Variants in PRDM1 observed in about 807,000 individuals in gnomAD.
PRDM1 encodes PR domain zinc finger protein 1.
In PRDM1, 13 loss-of-function variants were observed where a neutral mutation model predicts 62.8. The observed-to-expected ratio is 0.21, with a 90% confidence interval of 0.13 to 0.33. The LOEUF (loss-of-function observed/expected upper bound fraction) is 0.33. PRDM1 is among the 10% of genes least tolerant of loss of function. PRDM1 has a pLI of 1.00. For synonymous variants in PRDM1, 396 were observed against 417.6 expected (o/e 0.95, Z 0.63); for missense variants, 895 against 1,058.8 (o/e 0.85, Z 2.15).
At chr6:106,067,848 A>G (rs1413834704) in intron 1 of PRDM1, among the ~76,000 whole-genome samples, 1 of 152,200 alleles carries the variant, frequency 6.6e-6, no homozygotes, top group African/African-American at 2.4e-5. Flanking sequence ...CGTATGCTCT[A>G]AAATGATTAA....
chr6:106,088,458 C>G lies in PRDM1; in HGVS notation c.291+9C>G, dbSNP rs183553725. 1.1e-3 allele frequency: 1,828 copies of G among 1,614,096 alleles called. 22 individuals are homozygous for G. Among genetic ancestry groups the G allele is most frequent in the Middle Eastern group, 1.6e-4 (1 of 6,062 alleles). On this transcript the variant is annotated intron_variant, in intron 2 of 6. Transcript: ENST00000369096. The stretch of plus-strand genomic sequence containing the variant: ...CCACCAACAGTGAAGAGGTAAGCCT[C>G]TGGTTTATTGACAAGAAGATTGGGG...
At position 106,098,397 on chromosome 6, in the gene PRDM1, G is replaced by GT. The variant is rs1445865194; in HGVS notation, c.412-901dup. 18 of 985,306 alleles carry GT rather than the reference G, an allele frequency of 1.8e-5. No homozygotes were observed. The East Asian group carries it at 1.8e-3, about 99-fold the overall frequency. 61.0% of individuals were successfully genotyped at this position (985,306 alleles called of 1,614,324 possible). The stretch of plus-strand genomic sequence containing the variant: ...TTTGCCAAGTAGCCTGAGTGCATCT[G>GT]TTATCCAGAAGTAGTATTACTCTAG... On this transcript the variant is annotated intron_variant, in intron 3 of 6. Coordinates refer to ENST00000369096, the MANE Select transcript of PRDM1 (RefSeq NM_001198.4).
intron 1 of PRDM1, among the ~76,000 whole-genome samples, chr6:106,030,850 G>A (rs1003592900): frequency 2.2e-4 from 34 of 152,078 alleles, no homozygotes; most frequent in African/African-American, 8.2e-4. Flanking sequence ...ATATGTGCGG[G>A]TCTATTTCTG....
chr6:106,094,519 C>G (rs1040487319), intron 2 of PRDM1, among the ~76,000 whole-genome samples: 5 of 152,162 alleles, frequency 3.3e-5, no homozygotes, highest in African/African-American at 1.2e-4. Context: ...AGCAAGGCCC[C>G]ACAAAGTTAA....
intron 4 of PRDM1, 142 bp downstream of exon 4, chr6:106,099,694 G>C: frequency 8.6e-7 from 1 of 1,157,900 alleles, no homozygotes; most frequent in East Asian, 2.6e-5. Flanking sequence ...CTAGGAAGAG[G>C]AAAAACATTT....
At chr6:106,056,330 C>T (rs1030533245) in intron 1 of PRDM1, among the ~76,000 whole-genome samples, 3 of 152,170 alleles carry the variant, frequency 2.0e-5, no homozygotes, top group Admixed American at 6.6e-5. Context: ...CTGGCCTTCT[C>T]ATCCCTCACC....
At chr6:105,998,421 C>T (rs897356352) in intron 1 of PRDM1, among the ~76,000 whole-genome samples, 6 of 152,100 alleles carry the variant, frequency 3.9e-5, no homozygotes, top group Admixed American at 3.3e-4. Context: ...ATAAGACATA[C>T]TTGAAAAAAC....
intron 1 of PRDM1, among the ~76,000 whole-genome samples, chr6:106,030,370 A>G (rs1013170876): frequency 6.6e-6 from 1 of 151,426 alleles, no homozygotes; most frequent in Non-Finnish European, 1.5e-5. Flanking sequence ...TCTCACACTC[A>G]TTATATTGCC....
At chr6:106,017,710 AG>A (rs1216796130) in intron 1 of PRDM1, among the ~76,000 whole-genome samples, 3 of 152,138 alleles carry the variant, frequency 2.0e-5, no homozygotes, top group South Asian at 4.1e-4. Context: ...CCAGCTGCCC[AG>A]TTTTTTTCTT....
Position 106,107,274 on chromosome 6 carries a change from G to C in PRDM1, c.2266G>C (p.Glu756Gln). The C allele has an allele frequency of 6.2e-7, 1 of 1,614,210 alleles. No individual in the cohort carries two copies. The highest frequency in any genetic ancestry group is 8.5e-7 in the Non-Finnish European group (1 of 1,180,036). ...EDDISVISVV[E>Q]KEILAVVRKE... is the part of the protein sequence containing the mutation. ...TGACATCAGTGTGATCTCTGTAGTG[G>C]AGAAGGAAATTCTGGCCGTGGTCAG... Residue 756 changes from glutamate to glutamine, a missense_variant, in exon 7 of 7, where the codon GAG becomes CAG. Physicochemically the swap from Glu to Gln is conservative, Grantham distance 29. Coordinates refer to ENST00000369096, the MANE Select transcript of PRDM1 (RefSeq NM_001198.4).
At chr6:106,098,936 A>G in intron 3 of PRDM1, 2 of 1,523,762 alleles carry the variant, frequency 1.3e-6, no homozygotes, top group African/African-American at 1.4e-5. Context: ...ATCGGAACTG[A>G]AGTCAGTAGC....
chr6:106,007,945 A>G (rs975852713), intron 1 of PRDM1, among the ~76,000 whole-genome samples: 1 of 152,132 alleles, frequency 6.6e-6, no homozygotes, highest in Non-Finnish European at 1.5e-5. Context: ...CATTCGCTCA[A>G]TGTTTGTTCC....
chr6:105,999,490 C>T (rs184686573), intron 1 of PRDM1, among the ~76,000 whole-genome samples: 1 of 152,112 alleles, frequency 6.6e-6, no homozygotes, highest in Non-Finnish European at 1.5e-5. Flanking sequence ...TGTTGTTCAG[C>T]CAGGGGCACT....
intron 1 of PRDM1, among the ~76,000 whole-genome samples, chr6:106,060,248 G>A (rs1773326067): frequency 6.6e-6 from 1 of 152,208 alleles, no homozygotes; most frequent in Admixed American, 6.5e-5. Flanking sequence ...GAAAACAGGA[G>A]AGTGGAATAG....
intron 1 of PRDM1, among the ~76,000 whole-genome samples, chr6:106,036,375 T>G (rs1390573529): frequency 5.9e-5 from 9 of 152,212 alleles, no homozygotes; most frequent in Admixed American, 5.9e-4. Flanking sequence ...CTAGATTAGT[T>G]GATTTTTTGT....
chr6:106,102,801 G>C (rs1198200470), intron 4 of PRDM1, among the ~76,000 whole-genome samples: 1 of 152,162 alleles, frequency 6.6e-6, no homozygotes, highest in Non-Finnish European at 1.5e-5. Context: ...AAAGTCATGA[G>C]GGTAAAGTTT....
At chr6:106,018,057 C>T (rs1772645519) in intron 1 of PRDM1, among the ~76,000 whole-genome samples, 1 of 151,934 alleles carries the variant, frequency 6.6e-6, no homozygotes, top group African/African-American at 2.4e-5. Context: ...TTATATGTGA[C>T]CATGTAACTA....
rs1772322093 is a variant in PRDM1 at position 105,994,514 on chromosome 6, A to G, written c.-67+875A>G. 6.6e-6 allele frequency among the ~76,000 whole-genome samples: 1 copy of G among 152,060 alleles called. No homozygotes were observed. Among genetic ancestry groups the G allele is most frequent in the African/African-American group, 2.4e-5 (1 of 41,432 alleles). ...GCCCCCTTTTAAAAAGTCGCTCACC[A>G]AAAACGGGGTGGGGGATGGAGGTGG... On this transcript the variant is annotated intron_variant, in intron 1 of 6. Coordinates refer to the PRDM1 transcript ENST00000652320. This position sits in a 1 kb window ranked among gnomAD's most constrained non-coding sequence, Gnocchi z 4.1.
chr6:106,098,890 T>A, intron 3 of PRDM1: 3 of 1,511,792 alleles, frequency 2.0e-6, no homozygotes, highest in South Asian at 2.6e-5. Flanking sequence ...GGCTTGGTCT[T>A]CTACCCAGTG....
Sources: allele counts gnomAD v4.1 joint callset (sites outside exome capture counted in the v4.1 genomes callset), GRCh38; gene constraint gnomAD v4.1.1; non-coding constraint Gnocchi (gnomAD v3.1); transcripts MANE v1.5; gene names NCBI Gene and HGNC (gene_info 2026-07-23, HGNC 2026-07-21).